Variants in MYO15A observed in about 807,000 individuals in gnomAD.
MYO15A encodes myosin XVA, also known as unconventional myosin-XV.
A neutral mutation model predicts 394.6 loss-of-function variants in MYO15A; 308 were observed. That is an observed-to-expected ratio of 0.78 (90% CI 0.71 to 0.86). MYO15A has a LOEUF of 0.86. MYO15A is among the 40% of genes least tolerant of loss of function. The probability of loss-of-function intolerance (pLI) is 0.00; values close to 1 mark genes in which losing one functional copy is unlikely to be tolerated. For synonymous variants in MYO15A, 1,957 were observed against 2,003.8 expected, an observed-to-expected ratio of 0.98 and a Z score of 0.62; for missense variants, 4,606 against 4,799.1, an observed-to-expected ratio of 0.96 and a Z score of 1.19.
At chr17:18,158,740 G>T in intron 52 of MYO15A, 102 bp downstream of exon 52, 1 of 1,477,302 alleles carries the variant, frequency 6.8e-7, no homozygotes. Flanking sequence ...CACTTCTGGT[G>T]GGAGAGATGA....
In MYO15A at chr17:18,157,812, C is replaced by A; in HGVS notation, c.8879C>A (p.Pro2960Gln). The A allele has an allele frequency of 6.2e-7, 1 of 1,601,252 alleles. No homozygotes were observed. Residue 2960 changes from proline to glutamine, a missense_variant, in exon 51 of 66, where the codon CCA (proline) becomes CAA (glutamine). Pro to Gln is a moderately conservative substitution (Grantham distance 76). Around this residue, in one of 2 missense-constraint regions of MYO15A, gnomAD observed 2,776 missense variants for 3,109.3 expected, o/e 0.89. Coordinates refer to ENST00000647165, the MANE Select transcript of MYO15A (RefSeq NM_016239.4). ...PAAAPDFLQL[P>Q]TEPGRGRAAA... is the part of the protein sequence containing the mutation. ...GCTGCCCCCGACTTCCTGCAGCTGC[C>A]AACGGAGCCAGGCCGCGGCCGAGCA...
chr17:18,120,085 A>T lies in MYO15A; in HGVS notation c.1285A>T (p.Met429Leu), dbSNP rs2142245498. The change falls in exon 2 of 66, where the codon ATG (methionine) becomes TTG (leucine). Residue 429 changes from methionine (M) to leucine (L), a missense_variant. By Grantham distance (15) the Met-to-Leu change is conservative. Transcript: ENST00000647165. ...PSPHNPYAHA[M>L]DDIAELEEPE... ...GCCCCACAACCCGTATGCCCACGCC[A>T]TGGATGACATCGCCGAGCTGGAGGA... is the stretch of plus-strand genomic sequence containing the variant. The T allele has an allele frequency of 6.2e-7, 1 of 1,612,546 alleles. No homozygotes were observed. Among genetic ancestry groups the T allele is most frequent in the Non-Finnish European group, 8.5e-7 (1 of 1,179,418 alleles).
At chr17:18,170,428 G>A (rs1026301581) in intron 62 of MYO15A, among the ~76,000 whole-genome samples, 1 of 150,482 alleles carries the variant, frequency 6.6e-6, no homozygotes, top group Admixed American at 6.6e-5. Context: ...ACCCCATCAC[G>A]GCTCACTGCA....
intron 65 of MYO15A, 75 bp from the exon 66 acceptor site, chr17:18,178,694 C>T: frequency 7.1e-7 from 1 of 1,414,680 alleles, no homozygotes; most frequent in Non-Finnish European, 1.0e-6. Flanking sequence ...ACCACCTCTC[C>T]ATTCTGTACT....
chr17:18,120,499 C>T lies in MYO15A; in HGVS notation c.1699C>T (p.Arg567Cys), dbSNP rs986502252. The change falls in exon 2 of 66, where the codon CGC (arginine) becomes TGC (cysteine). Residue 567 changes from arginine (R) to cysteine (C), a missense_variant. Physicochemically the swap from Arg to Cys is radical, Grantham distance 180 (BLOSUM62 -3). Transcript: ENST00000647165. ...CCCTGAGTTTGGCCGCCCCGTGCCT[C>T]GCCCTGCCACCTCGCTTGCGCGGTT... is the stretch of plus-strand genomic sequence containing the variant. Reference protein sequence around the residue: ...FGPEFGRPVPRPATSLARFLK... With the variant: ...FGPEFGRPVPCPATSLARFLK... 6.3e-7 allele frequency: 1 copy of T among 1,575,874 alleles called. No individual in the cohort carries two copies. The highest frequency in any genetic ancestry group is 1.1e-5 in the South Asian group (1 of 88,062).
intron 45 of MYO15A, 25 bp from the exon 46 acceptor site, chr17:18,155,085 C>T (rs572627505): frequency 6.2e-7 from 1 of 1,601,906 alleles, no homozygotes; most frequent in South Asian, 1.1e-5. Flanking sequence ...GGGAGAGGGT[C>T]CTGACCAGAC....
intron 49 of MYO15A, 33 bp downstream of exon 49, chr17:18,157,098 G>T (rs147911428): frequency 2.5e-6 from 4 of 1,612,552 alleles, no homozygotes; most frequent in Non-Finnish European, 3.4e-6. Context: ...GGGGGCAGGA[G>T]GGGGAGGCTG....
chr17:18,165,475 C>T (rs2046840350), intron 60 of MYO15A, among the ~76,000 whole-genome samples: 1 of 152,210 alleles, frequency 6.6e-6, no homozygotes, highest in South Asian at 2.1e-4. Context: ...ATATCTCTCT[C>T]CCTGCCAGCC....
chr17:18,152,831 C>T (rs531242508), intron 42 of MYO15A, among the ~76,000 whole-genome samples: 10 of 152,322 alleles, frequency 6.6e-5, no homozygotes, highest in African/African-American at 2.2e-4. Flanking sequence ...CTTTGCATGC[C>T]TGGCTCCTTC....
chr17:18,141,349 A>G (rs1419053598), intron 22 of MYO15A, among the ~76,000 whole-genome samples: 2 of 112,706 alleles, frequency 1.8e-5, no homozygotes, highest in Non-Finnish European at 3.8e-5. Flanking sequence ...TGTATAACGT[A>G]TAATATGTCT....
intron 28 of MYO15A, 53 bp from the exon 29 acceptor site, chr17:18,144,444 G>C: frequency 1.4e-6 from 2 of 1,437,964 alleles, no homozygotes; most frequent in Non-Finnish European, 1.9e-6. Flanking sequence ...AGTGGGTCCA[G>C]ATGTGCCTGT....
intron 62 of MYO15A, 124 bp from the exon 63 acceptor site, chr17:18,171,514 C>A: frequency 6.9e-7 from 1 of 1,452,470 alleles, no homozygotes; most frequent in Non-Finnish European, 9.6e-7. Flanking sequence ...CATTTACACT[C>A]CCTAGCATTT....
Position 18,162,611 on chromosome 17 carries a change from C to G in MYO15A, c.9544C>G (p.Leu3182Val). Residue 3182 changes from leucine (L) to valine (V), a missense_variant, in exon 58 of 66, where the codon CTG becomes GTG. Leu to Val is a conservative substitution (Grantham distance 32). Transcript: ENST00000647165. ...GATCGCCAAGGCCTGCGAGCAGAAC[C>G]TGCAGAAAACCTTGCGCTTCGGAGG... ...QGIAKACEQN[L>V]QKTLRFGGRL... 6.2e-7 allele frequency: 1 copy of G among 1,614,098 alleles called. No individual in the cohort carries two copies. Among genetic ancestry groups the G allele is most frequent in the East Asian group, 2.2e-5 (1 of 44,886 alleles).
chr17:18,122,644 A>C, intron 2 of MYO15A: 1 of 606,842 alleles, frequency 1.6e-6, no homozygotes, highest in Admixed American at 3.3e-5. Flanking sequence ...AACTGCTTCC[A>C]GGTCACTCTG....
chr17:18,130,739 G>A (rs1483493281), intron 7 of MYO15A, 66 bp from the exon 8 acceptor site: 2 of 1,611,508 alleles, frequency 1.2e-6, no homozygotes, highest in East Asian at 2.2e-5. Flanking sequence ...GTGGTGGTCG[G>A]TCCTGCTAGT....
At position 18,121,655 on chromosome 17, in the gene MYO15A, G is replaced by T. The variant is rs779295118; in HGVS notation, c.2855G>T (p.Gly952Val). ...PWPGGAGSRR[G>V]FSRPPPVPEN... is the part of the protein sequence containing the mutation. ...CCAGGAGGTGCAGGCAGCCGCCGAGGCTTTTCCAGGCCACCCCCTGTGCCG... is the reference window on the plus strand; with the variant it reads ...CCAGGAGGTGCAGGCAGCCGCCGAGTCTTTTCCAGGCCACCCCCTGTGCCG... The change falls in exon 2 of 66, where the codon GGC becomes GTC. Residue 952 changes from glycine (G) to valine (V), a missense_variant. Coordinates refer to ENST00000647165, the MANE Select transcript of MYO15A (RefSeq NM_016239.4). This position sits in a 1 kb window ranked among gnomAD's most constrained non-coding sequence, Gnocchi z 5.3. 1.9e-6 allele frequency: 3 copies of T among 1,605,658 alleles called. No homozygotes were observed. The Admixed American group carries it at 5.0e-5, about 27-fold the overall frequency.
chr17:18,152,319 G>A, intron 42 of MYO15A, 135 bp downstream of exon 42: 1 of 879,510 alleles, frequency 1.1e-6, no homozygotes, highest in Non-Finnish European at 1.8e-6. Flanking sequence ...GCACATTGGT[G>A]TAATTATAAT....
Position 18,143,342 on chromosome 17 carries a change from G to A in MYO15A, c.5911-224G>A, listed in dbSNP as rs940444284. ...CTTTCCCCAGCGTTTTTCTCCCTCC[G>A]CTTGCCTCTGTTTCTCTCTTGCTCT... is the stretch of plus-strand genomic sequence containing the variant. On this transcript the variant is annotated intron_variant, in intron 25 of 65. Coordinates refer to ENST00000647165, the MANE Select transcript of MYO15A (RefSeq NM_016239.4). Among the ~76,000 whole-genome samples the A allele has an allele frequency of 5.3e-5, 8 of 152,114 alleles. No individual in the cohort carries two copies. In the South Asian group the frequency reaches 8.3e-4, roughly 16 times the overall value.
intron 12 of MYO15A, among the ~76,000 whole-genome samples, chr17:18,133,856 C>T (rs554820461): frequency 2.0e-5 from 3 of 152,320 alleles, no homozygotes; most frequent in Admixed American, 6.5e-5. Flanking sequence ...CGGGGTTTCA[C>T]CATGTTGGCC....
Sources: gnomAD v4.1 joint callset for allele counts (sites outside exome capture counted in the v4.1 genomes callset) on GRCh38, gnomAD v4.1.1 for gene constraint, gnomAD v4.1.1 regional missense constraint, Gnocchi (gnomAD v3.1) non-coding constraint, MANE v1.5 for transcripts, NCBI Gene and HGNC (gene_info 2026-07-23, HGNC 2026-07-21) for gene names.